The following DYNC2I1 variants were observed in gnomAD, a reference collection of about 807,000 sequenced individuals.
DYNC2I1 encodes the protein cytoplasmic dynein 2 intermediate chain 1.
A neutral mutation model predicts 133.4 loss-of-function variants in DYNC2I1; 89 were observed. That is an observed-to-expected ratio of 0.67 (90% CI 0.56 to 0.80). The LOEUF (loss-of-function observed/expected upper bound fraction) is 0.80. Among genes scored for constraint, DYNC2I1 ranks in the 30% least tolerant of loss-of-function variants. The pLI, the probability that DYNC2I1 is intolerant of heterozygous loss-of-function variation, is 0.00. For synonymous variants in DYNC2I1, 504 were observed against 484.3 expected, an observed-to-expected ratio of 1.04 and a Z score of -0.54; for missense variants, 1,291 against 1,314.5, an observed-to-expected ratio of 0.98 and a Z score of 0.28.
Position 158,946,080 on chromosome 7 carries a change from A to G in DYNC2I1, c.*301A>G. 4.5e-6 allele frequency: 1 copy of G among 223,128 alleles called. No homozygotes were observed. The highest frequency in any genetic ancestry group is 8.7e-6 in the Non-Finnish European group (1 of 115,228). The allele number at this position is 223,128 out of a possible 1,614,324, so 13.8% of individuals were successfully genotyped here. On this transcript the variant is annotated 3_prime_UTR_variant, in exon 25 of 25. Transcript: ENST00000407559. ...AGAACAGTTTAAATATTGTCACATT[A>G]CTGCTAGATTTTAAACAGCCTACCA...
At chr7:158,868,548 C>T (rs1423130513) in intron 1 of DYNC2I1, among the ~76,000 whole-genome samples, 1 of 152,228 alleles carries the variant, frequency 6.6e-6, no homozygotes, top group Non-Finnish European at 1.5e-5. Flanking sequence ...TTTATCTGCG[C>T]AGCCCCAGCT....
chr7:158,864,509 T>C lies in DYNC2I1; in HGVS notation c.16-5346T>C, dbSNP rs114910333. Among the ~76,000 whole-genome samples the C allele has an allele frequency of 7.4e-3, 1,134 of 152,260 alleles. 19 individuals carry two copies. The highest frequency in any genetic ancestry group is 0.026 in the African/African-American group (1,062 of 41,540). ...ATAGTAGTATCTGGTGACGCTTTCC[T>C]CTGTTTATTTTTTAATAGAGATGGG... On this transcript the variant is annotated intron_variant, in intron 1 of 24. Transcript: ENST00000407559.
intron 1 of DYNC2I1, among the ~76,000 whole-genome samples, chr7:158,866,533 A>T (rs979037943): frequency 5.9e-5 from 9 of 151,902 alleles, no homozygotes; most frequent in African/African-American, 2.2e-4. Flanking sequence ...CCTGGGTTCC[A>T]TTCAGCCCTT....
intron 15 of DYNC2I1, 35 bp from the exon 16 acceptor site, chr7:158,922,342 T>C: frequency 6.3e-7 from 1 of 1,591,956 alleles, no homozygotes. Context: ...TTCTGGCAGG[T>C]CGTTGAAATG....
intron 20 of DYNC2I1, among the ~76,000 whole-genome samples, chr7:158,927,564 T>C (rs1382696614): frequency 2.0e-5 from 3 of 152,132 alleles, no homozygotes; most frequent in Admixed American, 6.5e-5. Context: ...TGAATTTTTT[T>C]TTTTTTTGAG....
At chr7:158,953,448 T>C (rs1169703543) in intron 4 of DYNC2I1, among the ~76,000 whole-genome samples, 1 of 152,252 alleles carries the variant, frequency 6.6e-6, no homozygotes, top group Non-Finnish European at 1.5e-5. Context: ...GAGATCATAG[T>C]ACAAGGTTCC....
At chr7:158,890,050 G>A (rs1845050504) in intron 7 of DYNC2I1, among the ~76,000 whole-genome samples, 1 of 145,352 alleles carries the variant, frequency 6.9e-6, no homozygotes, top group Non-Finnish European at 1.5e-5. Context: ...GTCTTGCTCT[G>A]TTGCCCAGGC....
chr7:158,926,279 T>C lies in DYNC2I1; in HGVS notation c.2350T>C (p.Ser784Pro), dbSNP rs753832773. 1 of 1,612,684 alleles carries C rather than the reference T, an allele frequency of 6.2e-7. No individual in the cohort carries two copies. Among genetic ancestry groups the C allele is most frequent in the Admixed American group, 1.7e-5 (1 of 59,828 alleles). The change falls in exon 18 of 25, where the codon TCA (serine) becomes CCA (proline). Residue 784 changes from serine to proline, a missense_variant. Transcript: ENST00000407559. The stretch of plus-strand genomic sequence containing the variant: ...CCACAAAAAGCAGAGCTTTGTGCTT[T>C]CACCCTTTTCTACTCAAGAAGGTAC... ...SVHKKQSFVL[S>P]PFSTQEEMSG...
chr7:158,899,938 C>T (rs534275818), intron 8 of DYNC2I1, among the ~76,000 whole-genome samples: 11 of 152,278 alleles, frequency 7.2e-5, no homozygotes, highest in African/African-American at 2.6e-4. Context: ...GACAGGTCTA[C>T]TGGCAACAAA....
At chr7:158,926,554 A>G in intron 19 of DYNC2I1, 91 bp downstream of exon 19, 2 of 1,401,728 alleles carry the variant, frequency 1.4e-6, no homozygotes, top group South Asian at 2.5e-5. Context: ...GGCGGGACCC[A>G]GTTAGCTGTG....
intron 3 of DYNC2I1, 79 bp from the exon 4 acceptor site, chr7:158,876,530 C>T (rs1352168773): frequency 3.4e-6 from 5 of 1,470,004 alleles, no homozygotes; most frequent in African/African-American, 2.9e-5. Context: ...TGTGCAATAC[C>T]ATCCATAGCA....
At chr7:158,908,987 A>T (rs1847113522) in intron 11 of DYNC2I1, among the ~76,000 whole-genome samples, 1 of 152,202 alleles carries the variant, frequency 6.6e-6, no homozygotes, top group African/African-American at 2.4e-5. Context: ...ATGTATATTG[A>T]AACAATGGGA....
chr7:158,850,600 G>T, the DYNC2I1 span, among the ~76,000 whole-genome samples: 1 of 152,228 alleles, frequency 6.6e-6, no homozygotes, highest in African/African-American at 2.4e-5. Flanking sequence ...ATGTAGGGTA[G>T]AAGCTGGAAT....
intron 11 of DYNC2I1, among the ~76,000 whole-genome samples, chr7:158,907,655 G>T (rs1057193139): frequency 6.6e-6 from 1 of 151,980 alleles, no homozygotes; most frequent in Non-Finnish European, 1.5e-5. Flanking sequence ...TGGCACCCAG[G>T]CTGGAATGCA....
At chr7:158,876,915 A>G (rs757917236) in intron 4 of DYNC2I1, among the ~76,000 whole-genome samples, 6 of 152,228 alleles carry the variant, frequency 3.9e-5, no homozygotes, top group Non-Finnish European at 7.3e-5. Context: ...TTTAGAAGAT[A>G]CAAATAAGTA....
intron 1 of DYNC2I1, 133 bp downstream of exon 1, chr7:158,856,883 C>A: frequency 9.5e-7 from 1 of 1,055,584 alleles, no homozygotes; most frequent in Non-Finnish European, 1.2e-6. Flanking sequence ...CCCGGAGGAG[C>A]CGCGGTGCCT....
intron 4 of DYNC2I1, among the ~76,000 whole-genome samples, chr7:158,953,733 ATG>A (rs1261686817): frequency 1.3e-5 from 2 of 150,222 alleles, no homozygotes; most frequent in African/African-American, 4.9e-5. Context: ...TATATGTTAC[ATG>A]TGTGTGTATG....
downstream of DYNC2I1, among the ~76,000 whole-genome samples, chr7:158,949,340 A>T (rs1407698076): frequency 6.6e-6 from 1 of 152,258 alleles, no homozygotes; most frequent in Non-Finnish European, 1.5e-5. Context: ...GAAGCCTGGG[A>T]GAGAAGATGC....
intron 11 of DYNC2I1, 121 bp from the exon 12 acceptor site, chr7:158,911,429 C>T: frequency 1.8e-6 from 2 of 1,102,010 alleles, no homozygotes; most frequent in Non-Finnish European, 2.5e-6. Context: ...CTCACCCCAG[C>T]CTGAAGCTAG....
Sources: allele counts gnomAD v4.1 joint callset (sites outside exome capture counted in the v4.1 genomes callset), GRCh38; gene constraint gnomAD v4.1.1; transcripts MANE v1.5; gene names NCBI Gene and HGNC (gene_info 2026-07-23, HGNC 2026-07-21).